Variants in FOCAD observed in about 807,000 individuals in gnomAD.
The protein encoded by FOCAD is KIAA1797.
FOCAD carries 198 observed loss-of-function variants against 225.6 expected under a neutral mutation model. The observed-to-expected ratio is 0.88, with a 90% CI of 0.78 to 0.99. The LOEUF is 0.99. Among genes scored for constraint, FOCAD ranks in the 50% least tolerant of loss-of-function variants. FOCAD has a pLI of 0.00. For missense variants in FOCAD, 2,713 were observed against 2,123.6 expected (o/e 1.28, Z -5.46); for synonymous variants, 897 against 755.0 (o/e 1.19, Z -3.08).
intron 2 of FOCAD, chr9:20,716,030 C>T: frequency 2.8e-6 from 1 of 360,594 alleles, no homozygotes; most frequent in South Asian, 2.5e-5. Context: ...CAGCAGAAGC[C>T]ATCTTGAAGA....
At chr9:20,908,690 A>C (rs943291592) in intron 22 of FOCAD, among the ~76,000 whole-genome samples, 6 of 152,116 alleles carry the variant, frequency 3.9e-5, no homozygotes. Flanking sequence ...TAAATGCATG[A>C]GTGAATGAAT....
In FOCAD at chr9:20,993,319, C is replaced by A; in HGVS notation, c.5323C>A (p.Leu1775Ile). The A allele has an allele frequency of 6.2e-7, 1 of 1,613,080 alleles. No individual in the cohort carries two copies. Among genetic ancestry groups the A allele is most frequent in the Middle Eastern group, 1.7e-4 (1 of 6,058 alleles). The change falls in exon 43 of 44, where the codon CTT becomes ATT. Residue 1775 changes from leucine to isoleucine, a missense_variant. Leu to Ile is a conservative substitution (Grantham distance 5). Coordinates refer to ENST00000338382, the MANE Select transcript of FOCAD (RefSeq NM_001375567.1). ...KEALSAQSRDLLKATLLSLRV... is the reference protein window; with the variant it reads ...KEALSAQSRDILKATLLSLRV... ...AGCCCTCTCAGCACAGTCCAGGGAT[C>A]TTTTGAAAGGTATTACTTCCATGTT... is the stretch of plus-strand genomic sequence containing the variant.
At chr9:20,680,309 C>T (rs1212709964), upstream of FOCAD, among the ~76,000 whole-genome samples, 1 of 152,152 alleles carries the variant, frequency 6.6e-6, no homozygotes, top group Non-Finnish European at 1.5e-5. Context: ...CCTGTAATCC[C>T]AGCACTTTGG....
chr9:20,983,496 C>T (rs1426163088), intron 39 of FOCAD, among the ~76,000 whole-genome samples: 4 of 146,658 alleles, frequency 2.7e-5, no homozygotes, highest in East Asian at 2.0e-4. Flanking sequence ...CGCTTGAACC[C>T]GGGAGGTGGA....
At chr9:20,826,771 T>C (rs992675228) in intron 15 of FOCAD, among the ~76,000 whole-genome samples, 3 of 152,126 alleles carry the variant, frequency 2.0e-5, no homozygotes, top group African/African-American at 7.2e-5. Flanking sequence ...CCAAGTCTCA[T>C]GCTCTTTGGT....
Position 20,717,887 on chromosome 9 carries a change from G to A in FOCAD, c.132+19G>A, listed in dbSNP as rs759714336. 2.5e-6 allele frequency: 4 copies of A among 1,593,206 alleles called. No homozygotes were observed. The highest frequency in any genetic ancestry group is 2.6e-6 in the Non-Finnish European group (3 of 1,163,054). On this transcript the variant is annotated intron_variant, in intron 3 of 43. Coordinates refer to ENST00000338382, the MANE Select transcript of FOCAD (RefSeq NM_001375567.1). ...AAATCAGGTCTGTGTTTAACTTTAT[G>A]CTTTAATTCTCTTCAGATAAGATTG...
intron 7 of FOCAD, among the ~76,000 whole-genome samples, chr9:20,769,032 T>A (rs1817899621): frequency 6.6e-6 from 1 of 152,180 alleles, no homozygotes; most frequent in South Asian, 2.1e-4. Flanking sequence ...TATTGTCAAG[T>A]AAACATTAGG....
chr9:20,710,065 C>T (rs1401549338), intron 1 of FOCAD, among the ~76,000 whole-genome samples: 1 of 151,910 alleles, frequency 6.6e-6, no homozygotes, highest in Non-Finnish European at 1.5e-5. Context: ...AGTGCATAGC[C>T]CCACATCTTC....
In FOCAD at chr9:20,781,870, T is replaced by G; in HGVS notation, c.1138T>G (p.Leu380Val). ...VDEEGPSRQQ[L>V]ALNLLEMIQQ... Reference sequence around the variant, plus strand: ...TGAAGAAGGTCCCTCTAGGCAGCAGTTGGCTCTAAACCTTTTGGAAATGAT... The same window carrying G: ...TGAAGAAGGTCCCTCTAGGCAGCAGGTGGCTCTAAACCTTTTGGAAATGAT... The change falls in exon 10 of 44, where the codon TTG (leucine) becomes GTG (valine). Residue 380 changes from leucine to valine, a missense_variant. Coordinates refer to ENST00000338382, the MANE Select transcript of FOCAD (RefSeq NM_001375567.1). 6.2e-7 allele frequency: 1 copy of G among 1,614,106 alleles called. No homozygotes were observed. The highest frequency in any genetic ancestry group is 8.5e-7 in the Non-Finnish European group (1 of 1,179,974).
chr9:20,882,085 C>T (rs1830717098), intron 20 of FOCAD, 29 bp downstream of exon 20: 1 of 1,574,218 alleles, frequency 6.4e-7, no homozygotes, highest in Non-Finnish European at 8.6e-7. Context: ...ATCAAAAATA[C>T]AGGTTTTTCA....
chr9:20,683,060 T>G (rs980328309), upstream of FOCAD, among the ~76,000 whole-genome samples: 3 of 152,116 alleles, frequency 2.0e-5, no homozygotes, highest in African/African-American at 7.2e-5. Context: ...CCCCCCCACC[T>G]GGCCCCAAGA....
chr9:20,827,945 G>C (rs909735874), intron 15 of FOCAD, among the ~76,000 whole-genome samples: 2 of 152,014 alleles, frequency 1.3e-5, no homozygotes, highest in African/African-American at 4.8e-5. Flanking sequence ...GGCCAAGGTG[G>C]GCAGATGGCT....
chr9:20,701,227 A>G (rs1823915338), intron 1 of FOCAD, among the ~76,000 whole-genome samples: 1 of 152,222 alleles, frequency 6.6e-6, no homozygotes, highest in Non-Finnish European at 1.5e-5. Flanking sequence ...GAACTGAGAA[A>G]GAACATGCAT....
In FOCAD at chr9:20,757,239, T is replaced by C. The variant is rs570989416; in HGVS notation, c.393-851T>C. On this transcript the variant is annotated intron_variant, in intron 5 of 43. Coordinates refer to ENST00000338382, the MANE Select transcript of FOCAD (RefSeq NM_001375567.1). ...CCACCGCGTCCAGCCTTAAATCTTA[T>C]TTAAATATTTTCTTGGAGGAAAAAG... 2.6e-5 allele frequency among the ~76,000 whole-genome samples: 4 copies of C among 152,362 alleles called. No homozygotes were observed. The South Asian group carries it at 8.3e-4, about 32-fold the overall frequency.
At chr9:20,899,223 C>A (rs1832361699) in intron 21 of FOCAD, among the ~76,000 whole-genome samples, 1 of 151,830 alleles carries the variant, frequency 6.6e-6, no homozygotes, top group Admixed American at 6.6e-5. Context: ...TGAGTTTTTT[C>A]TGATATTCAC....
At chr9:20,684,788 T>C (rs993517597) in intron 1 of FOCAD, 8 of 152,372 alleles carry the variant, frequency 5.3e-5, no homozygotes, top group Non-Finnish European at 1.2e-4. Context: ...ACTCAGATCA[T>C]GTCCACTTAT....
intron 24 of FOCAD, among the ~76,000 whole-genome samples, chr9:20,918,600 T>G (rs2132101294): frequency 6.6e-6 from 1 of 151,834 alleles, no homozygotes; most frequent in East Asian, 1.9e-4. Flanking sequence ...GGCGGGCGCC[T>G]GTAGTCCCAG....
At chr9:20,848,894 CTG>C (rs1197919735) in intron 15 of FOCAD, among the ~76,000 whole-genome samples, 2 of 151,660 alleles carry the variant, frequency 1.3e-5, no homozygotes, top group Admixed American at 6.6e-5. Flanking sequence ...ATAAATCACA[CTG>C]TGATAAATGT....
chr9:20,848,257 A>G (rs1827314677), intron 15 of FOCAD, among the ~76,000 whole-genome samples: 1 of 152,000 alleles, frequency 6.6e-6, no homozygotes, highest in African/African-American at 2.4e-5. Context: ...ACGCTAATAG[A>G]CTGAGTGGGG....
Sources: allele counts gnomAD v4.1 joint callset (sites outside exome capture counted in the v4.1 genomes callset), GRCh38; gene constraint gnomAD v4.1.1; transcripts MANE v1.5; gene names NCBI Gene and HGNC (gene_info 2026-07-23, HGNC 2026-07-21).